The following MCC variants were observed in gnomAD, a reference collection of about 807,000 sequenced individuals.
MCC encodes colorectal mutant cancer protein.
A neutral mutation model predicts 116.2 loss-of-function variants in MCC; 90 were observed. That is an observed-to-expected ratio of 0.77 (90% CI 0.65 to 0.92). MCC has a LOEUF of 0.92. Ranked by LOEUF, MCC falls within the 40% of genes least tolerant of loss-of-function variation. MCC has a pLI of 0.00. For synonymous variants in MCC, 578 were observed against 510.5 expected (o/e 1.13, Z -1.78); for missense variants, 1,516 against 1,312.2 (o/e 1.16, Z -2.40).
chr5:113,412,319 G>A (rs1770015485), intron 1 of MCC, among the ~76,000 whole-genome samples: 2 of 152,148 alleles, frequency 1.3e-5, no homozygotes, highest in South Asian at 4.1e-4. Context: ...AAAGTCATTG[G>A]TAGCTTGATG....
At chr5:113,073,523 C>A (rs1245599691) in intron 11 of MCC, among the ~76,000 whole-genome samples, 2 of 152,200 alleles carry the variant, frequency 1.3e-5, no homozygotes, top group African/African-American at 2.4e-5. Flanking sequence ...TGAGCCAGCC[C>A]CTGCTCTGCC....
At chr5:113,230,093 A>G (rs1276791358) in intron 3 of MCC, among the ~76,000 whole-genome samples, 1 of 152,242 alleles carries the variant, frequency 6.6e-6, no homozygotes, top group Non-Finnish European at 1.5e-5. Flanking sequence ...AAGATGTTAA[A>G]TAGTGGATTC....
chr5:113,391,079 A>C lies in MCC; in HGVS notation c.171-5867T>G, dbSNP rs540150760. On this transcript the variant is annotated intron_variant, in intron 1 of 18. Coordinates refer to ENST00000408903, the MANE Select transcript of MCC (RefSeq NM_001085377.2). ...GAATAAATGCATTTGCCTTTCTTTC[A>C]TCATTGCTTCTTACGAAATAAGTAG... 3.9e-5 allele frequency among the ~76,000 whole-genome samples: 6 copies of C among 152,342 alleles called. No individual in the cohort carries two copies. The East Asian group carries it at 1.2e-3, about 29-fold the overall frequency.
chr5:113,279,462 CTCTT>C (rs888133836), intron 3 of MCC, among the ~76,000 whole-genome samples: 1 of 152,096 alleles, frequency 6.6e-6, no homozygotes, highest in African/African-American at 2.4e-5. Context: ...GAATTTAAAA[CTCTT>C]TCATTTCTAC....
chr5:113,134,623 G>A (rs565203679), intron 5 of MCC, among the ~76,000 whole-genome samples: 1 of 55,812 alleles, frequency 1.8e-5, no homozygotes, highest in East Asian at 6.1e-4. Context: ...TTCTATTTCT[G>A]TGAAGCATGA....
chr5:113,424,185 A>ACACACACAC (rs3067676), intron 1 of MCC, among the ~76,000 whole-genome samples: 2 of 140,494 alleles, frequency 1.4e-5, no homozygotes, highest in Non-Finnish European at 3.1e-5. Context: ...ACACACACAC[A>ACACACACAC]TTCTAATCAG....
chr5:113,409,420 C>T (rs960634112), intron 1 of MCC, among the ~76,000 whole-genome samples: 6 of 151,974 alleles, frequency 3.9e-5, no homozygotes, highest in Non-Finnish European at 7.4e-5. Flanking sequence ...GGTGTGATCA[C>T]GGCTCACTGC....
At chr5:113,145,667 C>T (rs1182225163) in intron 4 of MCC, among the ~76,000 whole-genome samples, 2 of 152,036 alleles carry the variant, frequency 1.3e-5, no homozygotes, top group Non-Finnish European at 1.5e-5. Flanking sequence ...GTAATCCTGG[C>T]CAACCAGCAG....
At chr5:113,388,185 G>T (rs1769316564) in intron 1 of MCC, among the ~76,000 whole-genome samples, 1 of 152,268 alleles carries the variant, frequency 6.6e-6, no homozygotes, top group African/African-American at 2.4e-5. Context: ...CGTGTAGGCT[G>T]TTGAGAGGCT....
At chr5:113,123,963 T>C (rs1047725680) in intron 5 of MCC, among the ~76,000 whole-genome samples, 2 of 152,128 alleles carry the variant, frequency 1.3e-5, no homozygotes, top group African/African-American at 4.8e-5. Context: ...TGGCGATCAT[T>C]AGGGTTTAGG....
intron 3 of MCC, among the ~76,000 whole-genome samples, chr5:113,298,366 A>G (rs1389080502): frequency 6.6e-6 from 1 of 152,254 alleles, no homozygotes; most frequent in Non-Finnish European, 1.5e-5. Context: ...TGATAAGGTC[A>G]TTTCAAAGAC....
rs1164199643 is a variant in MCC, at chr5:113,024,524, CTG to C, written c.*2776_*2777del. On this transcript the variant is annotated 3_prime_UTR_variant, in exon 19 of 19. Transcript: ENST00000408903. ...TGCCCATTTCTTCAAAAGCCAAAGA[CTG>C]AATTCTGAACAGAGATGGTTACTGA... 3 of 152,192 alleles carry C rather than the reference CTG, an allele frequency of 2.0e-5. No individual in the cohort carries two copies. Among genetic ancestry groups the C allele is most frequent in the African/African-American group, 7.2e-5 (3 of 41,446 alleles). 9.4% of individuals were successfully genotyped at this position (152,192 alleles called of 1,614,324 possible). A position where few individuals can be genotyped will look rare whatever the true frequency, so the allele number is the denominator to read the frequency against.
intron 2 of MCC, among the ~76,000 whole-genome samples, chr5:113,379,416 T>G (rs1034335471): frequency 5.3e-5 from 8 of 152,232 alleles, no homozygotes; most frequent in African/African-American, 1.7e-4. Context: ...GAACTTTACA[T>G]GTAATATCTC....
chr5:113,059,580 C>T (rs956139057), intron 14 of MCC, among the ~76,000 whole-genome samples: 1 of 152,246 alleles, frequency 6.6e-6, no homozygotes, highest in African/African-American at 2.4e-5. Flanking sequence ...GAACAGGAGC[C>T]TGTCTGTGTT....
At chr5:113,293,879 G>C (rs1766606853) in intron 3 of MCC, among the ~76,000 whole-genome samples, 1 of 152,182 alleles carries the variant, frequency 6.6e-6, no homozygotes, top group East Asian at 1.9e-4. Context: ...GCACGTGGGA[G>C]CCAAGTGGGA....
intron 1 of MCC, among the ~76,000 whole-genome samples, chr5:113,429,949 C>T (rs1425144778): frequency 6.6e-6 from 1 of 152,194 alleles, no homozygotes; most frequent in Non-Finnish European, 1.5e-5. Context: ...CGTCTTTGTA[C>T]ATTCAGGCCT....
intron 17 of MCC, 115 bp from the exon 18 acceptor site, chr5:113,029,171 A>T (rs774701964): frequency 3.0e-6 from 3 of 1,001,250 alleles, no homozygotes; most frequent in Non-Finnish European, 4.2e-6. Flanking sequence ...GCCTAAAGGC[A>T]AGGGAGAGAA....
chr5:113,278,368 T>C (rs887852331), intron 3 of MCC, among the ~76,000 whole-genome samples: 1 of 152,126 alleles, frequency 6.6e-6, no homozygotes, highest in Non-Finnish European at 1.5e-5. Context: ...ACTATGCAGG[T>C]ACTAGGGTCA....
At chr5:113,185,208 C>T (rs1390278422) in intron 3 of MCC, among the ~76,000 whole-genome samples, 2 of 152,068 alleles carry the variant, frequency 1.3e-5, no homozygotes, top group Non-Finnish European at 2.9e-5. Flanking sequence ...ACATGAGGTC[C>T]CAATTCTCTA....
Sources: gnomAD v4.1 joint callset for allele counts (sites outside exome capture counted in the v4.1 genomes callset) on GRCh38, gnomAD v4.1.1 for gene constraint, MANE v1.5 for transcripts, NCBI Gene and HGNC (gene_info 2026-07-23, HGNC 2026-07-21) for gene names.